NEBL: variants seen among roughly 807,000 people sequenced by gnomAD.
The protein encoded by NEBL is nebulette, also known as LIM and SH3 protein 2.
Under a neutral mutation model 140.2 loss-of-function variants are expected in NEBL, and 122 were observed. The observed-to-expected ratio is 0.87, with a 90% CI of 0.75 to 1.01. The LOEUF (loss-of-function observed/expected upper bound fraction) is 1.01. Ranked by LOEUF, NEBL falls within the 50% of genes least tolerant of loss-of-function variation. The pLI, the probability that NEBL is intolerant of heterozygous loss-of-function variation, is 0.00. For missense variants in NEBL, 1,365 were observed against 1,231.3 expected, an observed-to-expected ratio of 1.11 and a Z score of -1.62; for synonymous variants, 436 against 398.9, an observed-to-expected ratio of 1.09 and a Z score of -1.11.
rs1839506213 is a variant in NEBL, at chr10:20,823,097, C to G, written c.1962+111G>C. 3 of 777,714 alleles carry G rather than the reference C, an allele frequency of 3.9e-6. No homozygotes were observed. In the Admixed American group the frequency reaches 6.7e-5, roughly 17 times the overall value. 48.2% of individuals were successfully genotyped at this position (777,714 alleles called of 1,614,324 possible). On this transcript the variant is annotated intron_variant, in intron 19 of 27. Transcript: ENST00000377122. ...TAGCTCCACTTTTAAGGAACCGATC[C>G]TCTCGCAATGAGGTTCATTGTGATG...
chr10:20,939,670 G>A (rs1359211745), intron 4 of NEBL, among the ~76,000 whole-genome samples: 1 of 152,020 alleles, frequency 6.6e-6, no homozygotes, highest in Non-Finnish European at 1.5e-5. Flanking sequence ...ACCCATCCGT[G>A]TGCTGTATTC....
chr10:20,935,977 G>C (rs1834461591), intron 4 of NEBL, among the ~76,000 whole-genome samples: 1 of 152,056 alleles, frequency 6.6e-6, no homozygotes, highest in Non-Finnish European at 1.5e-5. Flanking sequence ...AAAATAACGT[G>C]CCTTCTAAAA....
intron 4 of NEBL, among the ~76,000 whole-genome samples, chr10:20,950,504 C>T (rs970481853): frequency 1.3e-5 from 2 of 152,136 alleles, no homozygotes; most frequent in Non-Finnish European, 2.9e-5. Context: ...TACATCCAAC[C>T]GAGGCCCTCA....
In NEBL at chr10:21,253,619, C is replaced by G. The variant is rs1382600489; in HGVS notation, n.183-1791G>C. 4.6e-5 allele frequency among the ~76,000 whole-genome samples: 7 copies of G among 150,646 alleles called. No individual in the cohort carries two copies. In the Admixed American group the frequency reaches 4.7e-4, roughly 10 times the overall value. On this transcript the variant is annotated intron_variant and non_coding_transcript_variant, in intron 1 of 8. Transcript: ENST00000675702. ...AGTGCAATGGCGCAATCTCGGCTCA[C>G]CACAACTTCTGCCTCCTGGGTTCAA...
At chr10:21,264,311 T>C (rs1842774141) in intron 1 of NEBL, among the ~76,000 whole-genome samples, 1 of 152,166 alleles carries the variant, frequency 6.6e-6, no homozygotes, top group Non-Finnish European at 1.5e-5. Flanking sequence ...GCTGGGACAG[T>C]GCAGCACCAT....
chr10:20,911,328 C>A (rs981187699), intron 4 of NEBL, among the ~76,000 whole-genome samples: 5 of 152,138 alleles, frequency 3.3e-5, no homozygotes, highest in African/African-American at 1.2e-4. Flanking sequence ...AGAATAAGAT[C>A]TTCTATGTTG....
At chr10:21,238,106 G>A (rs969832022) in intron 3 of NEBL, among the ~76,000 whole-genome samples, 2 of 152,146 alleles carry the variant, frequency 1.3e-5, no homozygotes, top group Non-Finnish European at 1.5e-5. Context: ...CCTTGTTCTG[G>A]TCTGATTTTA....
intron 4 of NEBL, among the ~76,000 whole-genome samples, chr10:20,949,836 A>C (rs1281950985): frequency 6.6e-6 from 1 of 152,170 alleles, no homozygotes; most frequent in Non-Finnish European, 1.5e-5. Context: ...ATTTTCTGGA[A>C]TACTGATAGG....
At chr10:21,263,041 T>C (rs1842759001) in intron 1 of NEBL, among the ~76,000 whole-genome samples, 1 of 152,210 alleles carries the variant, frequency 6.6e-6, no homozygotes. Flanking sequence ...TTATCTACTT[T>C]GGGTCTTTTG....
At chr10:20,896,680 G>A (rs1373398083) in intron 2 of NEBL, among the ~76,000 whole-genome samples, 1 of 151,752 alleles carries the variant, frequency 6.6e-6, no homozygotes, top group Non-Finnish European at 1.5e-5. Context: ...AATAAATACT[G>A]CAATTCAATG....
At chr10:20,839,027 G>C (rs529845511) in intron 13 of NEBL, among the ~76,000 whole-genome samples, 2 of 152,238 alleles carry the variant, frequency 1.3e-5, no homozygotes, top group Admixed American at 1.3e-4. Context: ...CGAACCCATA[G>C]TATCTCCACA....
At chr10:21,221,180 T>C (rs1157353838) in intron 3 of NEBL, among the ~76,000 whole-genome samples, 3 of 151,992 alleles carry the variant, frequency 2.0e-5, no homozygotes, top group African/African-American at 7.3e-5. Flanking sequence ...AATAACTACA[T>C]GAAGTGATGG....
chr10:21,085,311 T>G (rs1836573131), intron 2 of NEBL, among the ~76,000 whole-genome samples: 1 of 152,206 alleles, frequency 6.6e-6, no homozygotes, highest in African/African-American at 2.4e-5. Flanking sequence ...TTGTGCATTT[T>G]CAGTTAATTT....
intron 3 of NEBL, among the ~76,000 whole-genome samples, chr10:21,001,857 T>C (rs1003260446): frequency 1.8e-4 from 27 of 152,198 alleles, no homozygotes; most frequent in African/African-American, 6.5e-4. Context: ...CAATCTGATG[T>C]ACCCTTTCTC....
intron 3 of NEBL, among the ~76,000 whole-genome samples, chr10:21,241,711 C>T (rs1490712926): frequency 1.1e-4 from 16 of 152,130 alleles, no homozygotes; most frequent in South Asian, 4.1e-4. Context: ...TATGCCTATA[C>T]GGAAACCAGG....
intron 2 of NEBL, among the ~76,000 whole-genome samples, chr10:21,148,450 A>G (rs1373111526): frequency 2.0e-5 from 3 of 152,188 alleles, no homozygotes; most frequent in Non-Finnish European, 4.4e-5. Flanking sequence ...GGGATTCTTT[A>G]GGCCTCAGAA....
At chr10:20,831,711 C>A (rs1840443326) in intron 14 of NEBL, 128 bp from the exon 15 acceptor site, 2 of 675,610 alleles carry the variant, frequency 3.0e-6, no homozygotes, top group African/African-American at 1.8e-5. Flanking sequence ...TCTTTTATTT[C>A]TATAGAATAA....
At chr10:21,078,373 G>T (rs1836201706) in intron 2 of NEBL, among the ~76,000 whole-genome samples, 2 of 152,116 alleles carry the variant, frequency 1.3e-5, no homozygotes, top group South Asian at 2.1e-4. Context: ...TTTATGATCA[G>T]AAAAAGAAAT....
intron 3 of NEBL, among the ~76,000 whole-genome samples, chr10:20,968,206 T>TTCCAAATATGGATTAGGGCC (rs1836411412): frequency 6.6e-6 from 1 of 152,034 alleles, no homozygotes; most frequent in African/African-American, 2.4e-5. Context: ...GTTAAAGGGA[T>TTCCAAATATGGATTAGGGCC]TCCAAATATG....
Sources: gnomAD v4.1 joint callset for allele counts (sites outside exome capture counted in the v4.1 genomes callset) on GRCh38, gnomAD v4.1.1 for gene constraint, MANE v1.5 for transcripts, NCBI Gene and HGNC (gene_info 2026-07-23, HGNC 2026-07-21) for gene names.